Variants in AATF observed in about 807,000 individuals in gnomAD.
AATF encodes protein AATF.
In AATF, 48 loss-of-function variants were observed where a neutral mutation model predicts 63.7. The observed-to-expected ratio is 0.75, with a 90% CI of 0.60 to 0.96. The LOEUF is 0.96. Ranked by LOEUF, AATF falls within the 40% of genes least tolerant of loss-of-function variation. AATF has a pLI of 0.00. For synonymous variants in AATF, 258 were observed against 247.7 expected (o/e 1.04, Z -0.39); for missense variants, 639 against 685.7 (o/e 0.93, Z 0.76).
intron 8 of AATF, among the ~76,000 whole-genome samples, chr17:36,997,100 G>A (rs1412210039): frequency 6.6e-6 from 1 of 152,142 alleles, no homozygotes; most frequent in Non-Finnish European, 1.5e-5. Flanking sequence ...CCAACTGAGT[G>A]TAAATTAAAC....
rs1380060368 is a variant in AATF at position 36,988,658 on chromosome 17, A to G, written c.1087A>G (p.Arg363Gly). 1 of 1,614,160 alleles carries G rather than the reference A, an allele frequency of 6.2e-7. No homozygotes were observed. Among genetic ancestry groups the G allele is most frequent in the Admixed American group, 1.7e-5 (1 of 60,024 alleles). The change falls in exon 6 of 12, where the codon AGG becomes GGG. Residue 363 changes from arginine to glycine, a missense_variant. By Grantham distance (125) the Arg-to-Gly change is moderately radical. Coordinates refer to ENST00000619387, the MANE Select transcript of AATF (RefSeq NM_012138.4). ...AKRFADFTVYRNRTLQKWHDK... is the reference protein window; with the variant it reads ...AKRFADFTVYGNRTLQKWHDK... Reference sequence around the variant, plus strand: ...GCGCTTTGCCGACTTTACAGTCTACAGGAACCGCACACTTCAGAAATGGCA... The same window carrying G: ...GCGCTTTGCCGACTTTACAGTCTACGGGAACCGCACACTTCAGAAATGGCA...
At chr17:37,049,604 C>CA (rs773061471) in intron 11 of AATF, among the ~76,000 whole-genome samples, 3,181 of 62,790 alleles carry the variant, frequency 0.051, 117 homozygotes, top group African/African-American at 0.15. Flanking sequence ...GACTCCGTCT[C>CA]AAAAAAAAAA....
Position 36,953,917 on chromosome 17 carries a change from C to T in AATF, c.832+10C>T, listed in dbSNP as rs764734502. On this transcript the variant is annotated intron_variant, in intron 4 of 11. Transcript: ENST00000619387. ...AGTGCCCTGAAAAATAGTAAGAATACTTATGTCCTGTTGGAATACTTAGAA... is the reference window on the plus strand; with the variant it reads ...AGTGCCCTGAAAAATAGTAAGAATATTTATGTCCTGTTGGAATACTTAGAA... The T allele has an allele frequency of 4.3e-5, 69 of 1,612,330 alleles. 1 individual carries two copies. In the South Asian group the frequency reaches 6.7e-4, roughly 16 times the overall value.
chr17:36,988,322 A>C (rs763092826), intron 5 of AATF, among the ~76,000 whole-genome samples, 197 bp from the exon 6 acceptor site: 151 of 152,320 alleles, frequency 9.9e-4, no homozygotes, highest in Non-Finnish European at 8.5e-4. Flanking sequence ...TCAAAAAAAA[A>C]AGTTACACGA....
At chr17:37,027,004 A>G (rs1219349477) in intron 10 of AATF, among the ~76,000 whole-genome samples, 3 of 152,210 alleles carry the variant, frequency 2.0e-5, no homozygotes, top group Non-Finnish European at 4.4e-5. Context: ...TGTATATGTA[A>G]GACTTCCAGA....
At chr17:36,965,731 T>G (rs2070986278) in intron 4 of AATF, among the ~76,000 whole-genome samples, 1 of 152,180 alleles carries the variant, frequency 6.6e-6, no homozygotes, top group Non-Finnish European at 1.5e-5. Context: ...AGAGAGGGCC[T>G]TCATCTCTTG....
At chr17:36,969,064 G>C (rs761296704) in intron 4 of AATF, among the ~76,000 whole-genome samples, 1 of 151,962 alleles carries the variant, frequency 6.6e-6, no homozygotes, top group Admixed American at 6.6e-5. Context: ...GATCCTCTGC[G>C]GTCTCTGTTG....
At chr17:36,969,217 CT>C (rs1159624965) in intron 4 of AATF, among the ~76,000 whole-genome samples, 5 of 152,176 alleles carry the variant, frequency 3.3e-5, no homozygotes, top group Non-Finnish European at 7.4e-5. Flanking sequence ...GATCTTTGCT[CT>C]TTATGAGATC....
chr17:36,991,127 C>T (rs567174237), intron 8 of AATF, among the ~76,000 whole-genome samples: 1 of 152,038 alleles, frequency 6.6e-6, no homozygotes, highest in Non-Finnish European at 1.5e-5. Context: ...GTTTTTTTCT[C>T]TGAGTCAAGT....
At chr17:37,037,667 T>A (rs1033563881) in intron 11 of AATF, among the ~76,000 whole-genome samples, 1 of 152,188 alleles carries the variant, frequency 6.6e-6, no homozygotes, top group African/African-American at 2.4e-5. Context: ...AGTACACATA[T>A]AATCTATCAA....
intron 8 of AATF, among the ~76,000 whole-genome samples, chr17:36,995,250 T>A (rs2071245754): frequency 6.6e-6 from 1 of 152,224 alleles, no homozygotes; most frequent in South Asian, 2.1e-4. Context: ...CTTCTTTCAT[T>A]TGCCATCAGG....
intron 1 of AATF, among the ~76,000 whole-genome samples, chr17:36,950,010 A>C (rs1376718410): frequency 6.6e-6 from 1 of 152,262 alleles, no homozygotes; most frequent in African/African-American, 2.4e-5. Flanking sequence ...AGATCCCACT[A>C]GTAGATGCCA....
At chr17:36,981,758 A>C (rs2071127323) in intron 4 of AATF, among the ~76,000 whole-genome samples, 1 of 132,684 alleles carries the variant, frequency 7.5e-6, no homozygotes, top group African/African-American at 3.0e-5. Context: ...GGCAGGTCTC[A>C]AACTCCTGGG....
intron 4 of AATF, among the ~76,000 whole-genome samples, chr17:36,984,684 G>A (rs2071153246): frequency 6.6e-6 from 1 of 152,126 alleles, no homozygotes; most frequent in African/African-American, 2.4e-5. Context: ...TGCCCAGGCT[G>A]GAGTGTAGTG....
chr17:37,007,361 T>A (rs997678252), intron 8 of AATF, among the ~76,000 whole-genome samples: 3 of 83,626 alleles, frequency 3.6e-5, no homozygotes, highest in South Asian at 6.1e-4. Context: ...CTAATTTAAT[T>A]TTTTTTTTTT....
chr17:37,020,592 C>T (rs1324409247), intron 9 of AATF, among the ~76,000 whole-genome samples: 1 of 152,186 alleles, frequency 6.6e-6, no homozygotes, highest in African/African-American at 2.4e-5. Flanking sequence ...AGTAACAGAA[C>T]ATGCTGCATA....
intron 8 of AATF, among the ~76,000 whole-genome samples, chr17:36,997,742 A>G (rs745341577): frequency 7.9e-5 from 12 of 152,220 alleles, no homozygotes; most frequent in Non-Finnish European, 1.2e-4. Context: ...CCAGAGGAAA[A>G]GAAGTCATTA....
intron 4 of AATF, among the ~76,000 whole-genome samples, chr17:36,964,098 T>G (rs1226775332): frequency 2.0e-5 from 3 of 151,440 alleles, no homozygotes; most frequent in African/African-American, 7.3e-5. Flanking sequence ...TTTGAAGGGT[T>G]GTTGCTTTAA....
intron 10 of AATF, among the ~76,000 whole-genome samples, chr17:37,026,098 C>T (rs1488338187): frequency 6.6e-6 from 1 of 152,110 alleles, no homozygotes; most frequent in African/African-American, 2.4e-5. Flanking sequence ...ACCTTAATCT[C>T]ATCATAAAAC....
Sources: gnomAD v4.1 joint callset for allele counts (sites outside exome capture counted in the v4.1 genomes callset) on GRCh38, gnomAD v4.1.1 for gene constraint, MANE v1.5 for transcripts, NCBI Gene and HGNC (gene_info 2026-07-23, HGNC 2026-07-21) for gene names.